The following SPECC1 variants were observed in gnomAD, a reference collection of about 807,000 sequenced individuals.
SPECC1 encodes the protein cytospin-B.
Under a neutral mutation model 104.1 loss-of-function variants are expected in SPECC1, and 62 were observed. The ratio of observed to expected loss-of-function variants is 0.60; its 90% CI spans 0.49 to 0.74. The LOEUF is 0.74. Ranked by LOEUF, SPECC1 falls within the 30% of genes least tolerant of loss-of-function variation. SPECC1 has a pLI of 0.00. For missense variants in SPECC1, 1,306 were observed against 1,310.5 expected (o/e 1.00, Z 0.05); for synonymous variants, 513 against 501.6 (o/e 1.02, Z -0.30).
intron 12 of SPECC1, among the ~76,000 whole-genome samples, chr17:20,270,197 G>A (rs1193195397): frequency 6.6e-6 from 1 of 151,980 alleles, no homozygotes; most frequent in East Asian, 1.9e-4. Flanking sequence ...AGTGGTGATG[G>A]TTGCACAACA....
At chr17:20,237,549 A>G in intron 7 of SPECC1, 1 of 193,394 alleles carries the variant, frequency 5.2e-6, no homozygotes, top group East Asian at 8.2e-5. Flanking sequence ...TCCTGACCTC[A>G]GGTGATCCCC....
At chr17:20,299,839 G>A (rs528573311) in intron 13 of SPECC1, among the ~76,000 whole-genome samples, 3 of 152,166 alleles carry the variant, frequency 2.0e-5, no homozygotes, top group East Asian at 3.9e-4. Flanking sequence ...GCAGGCGATT[G>A]CACAGCAAAT....
intron 3 of SPECC1, among the ~76,000 whole-genome samples, chr17:20,181,235 A>G (rs1567909577): frequency 6.6e-6 from 1 of 152,186 alleles, no homozygotes; most frequent in Non-Finnish European, 1.5e-5. Context: ...GACTGAAAAT[A>G]TAAGAGCGAA....
intron 12 of SPECC1, among the ~76,000 whole-genome samples, chr17:20,275,290 A>G (rs1476671725): frequency 3.9e-5 from 6 of 152,160 alleles, no homozygotes; most frequent in Non-Finnish European, 7.3e-5. Flanking sequence ...TTTTATACTC[A>G]GTTATTGATG....
intron 3 of SPECC1, among the ~76,000 whole-genome samples, chr17:20,174,833 G>C (rs779733673): frequency 6.6e-6 from 1 of 151,870 alleles, no homozygotes; most frequent in Non-Finnish European, 1.5e-5. Flanking sequence ...ATTTTCTTCC[G>C]CTCCTTGCCG....
At chr17:20,227,713 G>C in intron 5 of SPECC1, 93 bp downstream of exon 5, 1 of 1,212,246 alleles carries the variant, frequency 8.2e-7, no homozygotes, top group African/African-American at 1.6e-5. Flanking sequence ...TCAGAAGTTC[G>C]AGACCCAGCC....
intron 3 of SPECC1, among the ~76,000 whole-genome samples, chr17:20,183,097 A>G (rs1351511761): frequency 1.3e-5 from 2 of 152,230 alleles, no homozygotes; most frequent in African/African-American, 4.8e-5. Flanking sequence ...CAGTAGGTAT[A>G]GGGTGATGAG....
intron 12 of SPECC1, among the ~76,000 whole-genome samples, chr17:20,295,858 G>A (rs1403481327): frequency 6.6e-6 from 1 of 152,120 alleles, no homozygotes; most frequent in African/African-American, 2.4e-5. Context: ...CCCACTTTTT[G>A]ATGGGGTTGT....
chr17:20,210,550 G>A (rs1040004637), intron 4 of SPECC1, among the ~76,000 whole-genome samples: 2 of 152,254 alleles, frequency 1.3e-5, no homozygotes, highest in African/African-American at 2.4e-5. Flanking sequence ...TGAGAACTGC[G>A]TCACACAGTG....
intron 13 of SPECC1, among the ~76,000 whole-genome samples, chr17:20,302,878 TAAAAAAAAAA>T (rs35060925): frequency 3.2e-5 from 2 of 61,872 alleles, no homozygotes; most frequent in Non-Finnish European, 5.9e-5. Context: ...TGAGCCCATC[TAAAAAAAAAA>T]AAAAAAAAAA....
At chr17:20,020,146 C>T (rs537930073) in intron 1 of SPECC1, among the ~76,000 whole-genome samples, 5 of 152,274 alleles carry the variant, frequency 3.3e-5, no homozygotes, top group East Asian at 1.9e-4. Context: ...TAAAACACCA[C>T]GCTGACATTA....
Position 20,303,586 on chromosome 17 carries a change from G to C in SPECC1, c.3058-2437G>C, listed in dbSNP as rs190254546. Among the ~76,000 whole-genome samples the C allele has an allele frequency of 1.3e-3, 204 of 152,240 alleles. 1 individual carries two copies. The highest frequency in any genetic ancestry group is 2.5e-4 in the Non-Finnish European group (17 of 68,016). ...AGGGTAGAGAGTGAGAGCCGTGGGG[G>C]AAATGGAAAAGGGTATAAAATGATG... On this transcript the variant is annotated intron_variant, in intron 13 of 14. Transcript: ENST00000395527.
Position 20,305,891 on chromosome 17 carries a change from G to A in SPECC1, c.3058-132G>A, listed in dbSNP as rs187479740. The A allele has an allele frequency of 3.1e-3, 2,092 of 682,670 alleles. 5 individuals carry two copies. The highest frequency in any genetic ancestry group is 4.4e-3 in the Non-Finnish European group (1,912 of 432,052). 42.3% of individuals were successfully genotyped at this position (682,670 alleles called of 1,614,324 possible). A position where few individuals can be genotyped will look rare whatever the true frequency, so the allele number is the denominator to read the frequency against. Reference sequence around the variant, plus strand: ...TTTTCTTAAACTGAGATCAAATATTGTACACTTGACTTACTATTCTTCGCT... The same window carrying A: ...TTTTCTTAAACTGAGATCAAATATTATACACTTGACTTACTATTCTTCGCT... On this transcript the variant is annotated intron_variant, in intron 13 of 14. Coordinates refer to ENST00000395527, the MANE Select transcript of SPECC1 (RefSeq NM_001243439.2).
intron 5 of SPECC1, among the ~76,000 whole-genome samples, chr17:20,228,123 C>T (rs1417518510): frequency 6.6e-6 from 1 of 152,176 alleles, no homozygotes; most frequent in East Asian, 1.9e-4. Context: ...CAGTTGAAAA[C>T]TGGGATGACA....
chr17:20,233,551 T>C (rs2038727352), intron 7 of SPECC1, among the ~76,000 whole-genome samples: 1 of 152,232 alleles, frequency 6.6e-6, no homozygotes, highest in African/African-American at 2.4e-5. Context: ...TAGTTATTTA[T>C]TTTTAGAGAT....
At chr17:20,229,173 A>T (rs1443321273) in intron 5 of SPECC1, among the ~76,000 whole-genome samples, 2 of 152,074 alleles carry the variant, frequency 1.3e-5, no homozygotes, top group Non-Finnish European at 2.9e-5. Flanking sequence ...TCTGCTTAAT[A>T]CCATGCTTTT....
chr17:20,100,899 A>G (rs1567843125), intron 2 of SPECC1, among the ~76,000 whole-genome samples: 1 of 152,080 alleles, frequency 6.6e-6, no homozygotes, highest in Non-Finnish European at 1.5e-5. Context: ...CCCACTTATG[A>G]GTGAGAACAT....
intron 3 of SPECC1, among the ~76,000 whole-genome samples, chr17:20,118,202 T>C (rs189955941): frequency 5.6e-4 from 85 of 152,314 alleles, no homozygotes; most frequent in African/African-American, 2.0e-3. Context: ...CAGTTTATCA[T>C]TTCTGGTGTC....
At chr17:20,300,200 A>T (rs1370727725) in intron 13 of SPECC1, among the ~76,000 whole-genome samples, 2 of 152,178 alleles carry the variant, frequency 1.3e-5, no homozygotes, top group Admixed American at 6.5e-5. Context: ...CACACCTGGG[A>T]ACCCCAGTGT....
Sources: allele counts gnomAD v4.1 joint callset (sites outside exome capture counted in the v4.1 genomes callset), GRCh38; gene constraint gnomAD v4.1.1; transcripts MANE v1.5; gene names NCBI Gene and HGNC (gene_info 2026-07-23, HGNC 2026-07-21).